The following SNCAIP variants were observed in gnomAD, a reference collection of about 807,000 sequenced individuals.
SNCAIP encodes the protein synuclein alpha interacting protein.
SNCAIP carries 43 observed loss-of-function variants against 86.7 expected under a neutral mutation model. The ratio of observed to expected loss-of-function variants is 0.50; its 90% CI spans 0.39 to 0.64. The LOEUF is 0.64. Ranked by LOEUF, SNCAIP falls within the 30% of genes least tolerant of loss-of-function variation. The probability of loss-of-function intolerance (pLI) is 0.00; values close to 1 mark genes in which losing one functional copy is unlikely to be tolerated. For missense variants in SNCAIP, 981 were observed against 1,103.1 expected (o/e 0.89, Z 1.57); for synonymous variants, 417 against 427.2 (o/e 0.98, Z 0.29).
Position 122,449,847 on chromosome 5 carries a change from A to G in SNCAIP, c.1595A>G (p.Gln532Arg), listed in dbSNP as rs1783338634. 1 of 1,613,258 alleles carries G rather than the reference A, an allele frequency of 6.2e-7. No homozygotes were observed. The highest frequency in any genetic ancestry group is 8.5e-7 in the Non-Finnish European group (1 of 1,179,210). ...TGTGTTTTGGTTGTTTTCCCCAGACAAACAGTAGAACGTGTCACGCTGCAG... is the reference window on the plus strand; with the variant it reads ...TGTGTTTTGGTTGTTTTCCCCAGACGAACAGTAGAACGTGTCACGCTGCAG... ...VVKLTKQLKE[Q>R]TVERVTLQNQ... Residue 532 changes from glutamine (Q) to arginine (R), a missense_variant and splice_region_variant, in exon 9 of 11, where the codon CAA (glutamine) becomes CGA (arginine). Physicochemically the swap from Gln to Arg is conservative, Grantham distance 43 (BLOSUM62 1). Transcript: ENST00000261368.
At position 122,376,900 on chromosome 5, in the gene SNCAIP, T is replaced by G. The variant is rs796141730; in HGVS notation, c.-46-14189T>G. Among the ~76,000 whole-genome samples, 99 of 152,264 alleles carry G rather than the reference T, an allele frequency of 6.5e-4. 1 individual carries two copies. The highest frequency in any genetic ancestry group is 2.3e-3 in the African/African-American group (95 of 41,564). ...GCCATCTCAGACTACGCAAAATCTTTTCAGCTGGGAGGCCGTCTATTCCTC... is the reference window on the plus strand; with the variant it reads ...GCCATCTCAGACTACGCAAAATCTTGTCAGCTGGGAGGCCGTCTATTCCTC... On this transcript the variant is annotated intron_variant, in intron 1 of 10. Coordinates refer to ENST00000261368, the MANE Select transcript of SNCAIP (RefSeq NM_005460.4).
intron 1 of SNCAIP, 55 bp from the exon 2 acceptor site, chr5:122,391,034 G>T (rs953350473): frequency 1.1e-5 from 10 of 874,170 alleles, no homozygotes; most frequent in African/African-American, 1.7e-5. Flanking sequence ...CATTATTTTT[G>T]GTTGTAAAAC....
intron 6 of SNCAIP, chr5:122,437,367 CA>C (rs1006005973): frequency 1.3e-5 from 2 of 152,092 alleles, no homozygotes; most frequent in Middle Eastern, 3.2e-3. Context: ...ATGCTTTTAC[CA>C]AAACCAGAGA....
At chr5:122,410,799 G>T (rs1333835787) in intron 3 of SNCAIP, among the ~76,000 whole-genome samples, 2 of 152,132 alleles carry the variant, frequency 1.3e-5, no homozygotes, top group Non-Finnish European at 2.9e-5. Context: ...CTCCAGCCTG[G>T]GTGACAGCGA....
intron 3 of SNCAIP, among the ~76,000 whole-genome samples, chr5:122,421,090 A>G (rs538453404): frequency 6.6e-6 from 1 of 152,350 alleles, no homozygotes; most frequent in South Asian, 2.1e-4. Context: ...AACTAAAGCC[A>G]GCAAAAGGGA....
chr5:122,392,340 A>C (rs1431272032), intron 2 of SNCAIP, among the ~76,000 whole-genome samples: 1 of 151,926 alleles, frequency 6.6e-6, no homozygotes, highest in Admixed American at 6.6e-5. Flanking sequence ...ACCAATGTGG[A>C]GTGAGCTTCT....
intron 1 of SNCAIP, among the ~76,000 whole-genome samples, chr5:122,363,391 G>A (rs1762561909): frequency 6.6e-6 from 1 of 152,116 alleles, no homozygotes; most frequent in East Asian, 1.9e-4. Flanking sequence ...CTACCAGTTG[G>A]CATTGCTCCC....
intron 3 of SNCAIP, among the ~76,000 whole-genome samples, chr5:122,409,085 G>GT (rs1307992112): frequency 6.7e-6 from 1 of 149,520 alleles, no homozygotes; most frequent in Non-Finnish European, 1.5e-5. Flanking sequence ...GAAGTTATGT[G>GT]TAAAAAAAAA....
intron 3 of SNCAIP, among the ~76,000 whole-genome samples, chr5:122,414,668 T>C (rs896515620): frequency 2.6e-5 from 4 of 152,232 alleles, no homozygotes; most frequent in African/African-American, 9.6e-5. Flanking sequence ...TGGGATTCCA[T>C]TGCATATAGG....
At chr5:122,362,544 G>A (rs1179778921) in intron 1 of SNCAIP, among the ~76,000 whole-genome samples, 1 of 152,186 alleles carries the variant, frequency 6.6e-6, no homozygotes, top group Non-Finnish European at 1.5e-5. Flanking sequence ...TAGTGGATAA[G>A]AACAAGGAAA....
At chr5:122,355,995 C>A (rs966535198) in intron 1 of SNCAIP, among the ~76,000 whole-genome samples, 28 of 151,132 alleles carry the variant, frequency 1.9e-4, no homozygotes, top group African/African-American at 6.8e-4. Context: ...ATAACTTTTT[C>A]TGAAGGTATC....
At chr5:122,367,611 G>A (rs530082333) in intron 1 of SNCAIP, among the ~76,000 whole-genome samples, 1 of 152,160 alleles carries the variant, frequency 6.6e-6, no homozygotes, top group Admixed American at 6.5e-5. Context: ...GGAGACACTT[G>A]GGGGAATTTC....
chr5:122,318,207 A>G (rs1472513915), intron 1 of SNCAIP, among the ~76,000 whole-genome samples: 1 of 151,734 alleles, frequency 6.6e-6, no homozygotes, highest in Non-Finnish European at 1.5e-5. Flanking sequence ...TAAATGCTTC[A>G]TTGCATGTGC....
chr5:122,353,173 C>T (rs1284481514), intron 1 of SNCAIP, among the ~76,000 whole-genome samples: 4 of 152,084 alleles, frequency 2.6e-5, no homozygotes, highest in South Asian at 2.1e-4. Flanking sequence ...GTGGATAAGT[C>T]TTCCAAATAT....
chr5:122,333,417 G>A (rs1022530631), intron 1 of SNCAIP, among the ~76,000 whole-genome samples: 11 of 152,108 alleles, frequency 7.2e-5, no homozygotes, highest in Admixed American at 3.3e-4. Flanking sequence ...TTTTACTACC[G>A]CCTGCCTTGC....
intron 3 of SNCAIP, among the ~76,000 whole-genome samples, chr5:122,404,504 C>T (rs1427691880): frequency 1.3e-5 from 2 of 152,162 alleles, no homozygotes; most frequent in Admixed American, 1.3e-4. Context: ...TTAAGCTTCT[C>T]TTCTTTTCCT....
intron 10 of SNCAIP, among the ~76,000 whole-genome samples, chr5:122,461,922 G>A (rs1485617047): frequency 6.6e-6 from 1 of 152,132 alleles, no homozygotes; most frequent in Non-Finnish European, 1.5e-5. Context: ...ACCTGCCTCA[G>A]CCTCCCAAAA....
chr5:122,383,147 C>A (rs1767292484), intron 1 of SNCAIP, among the ~76,000 whole-genome samples: 1 of 152,226 alleles, frequency 6.6e-6, no homozygotes, highest in Non-Finnish European at 1.5e-5. Context: ...AGCCTCGCTG[C>A]AGCCTTGCAG....
chr5:122,400,988 CA>C (rs1313867919), intron 2 of SNCAIP: 2 of 1,549,334 alleles, frequency 1.3e-6, no homozygotes, highest in African/African-American at 2.7e-5. Flanking sequence ...CACCCAAGGA[CA>C]ATAGGAGTCA....
Sources: allele counts gnomAD v4.1 joint callset (sites outside exome capture counted in the v4.1 genomes callset), GRCh38; gene constraint gnomAD v4.1.1; transcripts MANE v1.5; gene names NCBI Gene and HGNC (gene_info 2026-07-23, HGNC 2026-07-21).